PTPRD: variants seen among roughly 807,000 people sequenced by gnomAD.
PTPRD encodes protein tyrosine phosphatase receptor type D, also known as receptor-type tyrosine-protein phosphatase delta.
In PTPRD, 34 loss-of-function variants were observed where a neutral mutation model predicts 214.5. The observed-to-expected ratio is 0.16, with a 90% CI of 0.12 to 0.21. PTPRD has a LOEUF of 0.21. Ranked by LOEUF, PTPRD falls within the 10% of genes least tolerant of loss-of-function variation. The pLI is 1.00. For synonymous variants in PTPRD, 1,128 were observed against 845.7 expected, an observed-to-expected ratio of 1.33 and a Z score of -5.79; for missense variants, 2,545 against 2,398.7, an observed-to-expected ratio of 1.06 and a Z score of -1.27.
At chr9:10,556,334 G>GA (rs368428592) in intron 2 of PTPRD, among the ~76,000 whole-genome samples, 1,774 of 149,190 alleles carry the variant, frequency 0.012, 36 homozygotes, top group African/African-American at 0.04. Context: ...AAATATTTAG[G>GA]AAAAAAAAAC....
rs574291631 is a variant in PTPRD, at chr9:9,702,011, A to T, written c.-287+32522T>A. 6.6e-5 allele frequency among the ~76,000 whole-genome samples: 10 copies of T among 151,964 alleles called. No homozygotes were observed. The East Asian group carries it at 1.8e-3, about 27-fold the overall frequency. On this transcript the variant is annotated intron_variant, in intron 7 of 45. Transcript: ENST00000381196. ...GTGCATGCCTGTATTCCCCACTACT[A>T]GGGGTAGCTGAGGCAGGGGGATTGC... is the stretch of plus-strand genomic sequence containing the variant.
Position 9,679,513 on chromosome 9 carries a change from A to G in PTPRD, c.-287+55020T>C, listed in dbSNP as rs184632522. ...TGTGAATTAATCTTGCTGAAAAATCATAATTAAATGGATCAGTCCTCTGTG... is the reference window on the plus strand; with the variant it reads ...TGTGAATTAATCTTGCTGAAAAATCGTAATTAAATGGATCAGTCCTCTGTG... On this transcript the variant is annotated intron_variant, in intron 7 of 45. Coordinates refer to ENST00000381196, the MANE Select transcript of PTPRD (RefSeq NM_002839.4). Among the ~76,000 whole-genome samples the G allele has an allele frequency of 2.7e-3, 403 of 152,054 alleles. 2 individuals are homozygous for G. Among genetic ancestry groups the G allele is most frequent in the African/African-American group, 9.1e-3 (376 of 41,528 alleles).
chr9:9,811,934 G>C (rs2047264792), intron 5 of PTPRD, among the ~76,000 whole-genome samples: 1 of 152,114 alleles, frequency 6.6e-6, no homozygotes, highest in Non-Finnish European at 1.5e-5. Context: ...GACAGGAAGA[G>C]TCAATCAACG....
At chr9:10,210,733 A>T (rs905855928) in intron 3 of PTPRD, among the ~76,000 whole-genome samples, 36 of 140,534 alleles carry the variant, frequency 2.6e-4, no homozygotes, top group Non-Finnish European at 5.1e-4. Flanking sequence ...TATATATATA[A>T]AATGCTTATA....
chr9:9,696,556 T>TC (rs1286292931), intron 7 of PTPRD, among the ~76,000 whole-genome samples: 1 of 152,170 alleles, frequency 6.6e-6, no homozygotes, highest in South Asian at 2.1e-4. Flanking sequence ...TTATGTAGTG[T>TC]CCTCCTTTGC....
chr9:8,321,513 ATATATATATATAT>A (rs1827996419), intron 44 of PTPRD, among the ~76,000 whole-genome samples: 1 of 132,506 alleles, frequency 7.5e-6, no homozygotes, highest in Admixed American at 7.5e-5. Context: ...ATATATATAT[ATATATATATATAT>A]AAAAGGTATA....
chr9:8,987,341 A>G (rs991985523), intron 11 of PTPRD, among the ~76,000 whole-genome samples: 4 of 152,104 alleles, frequency 2.6e-5, no homozygotes, highest in African/African-American at 9.7e-5. Flanking sequence ...TCTTAACAGC[A>G]TCTTTTAACA....
At chr9:8,780,847 T>C (rs959746427) in intron 11 of PTPRD, among the ~76,000 whole-genome samples, 5 of 152,158 alleles carry the variant, frequency 3.3e-5, no homozygotes, top group African/African-American at 7.2e-5. Flanking sequence ...TCGGAAGTGG[T>C]TGTATGTGTA....
intron 7 of PTPRD, among the ~76,000 whole-genome samples, chr9:9,640,752 G>A (rs985707488): frequency 2.6e-5 from 4 of 152,198 alleles, no homozygotes; most frequent in Admixed American, 6.5e-5. Flanking sequence ...GGTGACCCCA[G>A]GAAGCAATAA....
intron 3 of PTPRD, among the ~76,000 whole-genome samples, chr9:10,098,148 G>C (rs1214176674): frequency 6.6e-6 from 1 of 151,756 alleles, no homozygotes; most frequent in African/African-American, 2.4e-5. Flanking sequence ...ATACACCATG[G>C]AATACTATGG....
At chr9:8,664,639 GT>G (rs2097134777) in intron 12 of PTPRD, among the ~76,000 whole-genome samples, 1 of 152,198 alleles carries the variant, frequency 6.6e-6, no homozygotes, top group Non-Finnish European at 1.5e-5. Flanking sequence ...TAGCTCTGGT[GT>G]TTATGGTATA....
chr9:10,063,335 C>T (rs2097812006), intron 3 of PTPRD, among the ~76,000 whole-genome samples: 2 of 151,954 alleles, frequency 1.3e-5, no homozygotes, highest in African/African-American at 4.8e-5. Flanking sequence ...AAATAAATGT[C>T]CCACTATACA....
intron 14 of PTPRD, among the ~76,000 whole-genome samples, chr9:8,621,049 A>G (rs1415581495): frequency 6.6e-6 from 1 of 152,040 alleles, no homozygotes; most frequent in Non-Finnish European, 1.5e-5. Flanking sequence ...AGAAAAATAT[A>G]TAATCAACCG....
At chr9:9,578,898 A>C (rs988223699) in intron 7 of PTPRD, among the ~76,000 whole-genome samples, 2 of 152,160 alleles carry the variant, frequency 1.3e-5, no homozygotes, top group African/African-American at 4.8e-5. Context: ...ACCATTTACC[A>C]AACATATAAT....
At chr9:9,130,931 C>A (rs577642410) in intron 10 of PTPRD, among the ~76,000 whole-genome samples, 10 of 152,184 alleles carry the variant, frequency 6.6e-5, no homozygotes, top group East Asian at 1.9e-4. Context: ...CTATGACGAA[C>A]CCTTTAGTAA....
intron 11 of PTPRD, among the ~76,000 whole-genome samples, chr9:8,942,173 G>A (rs77532187): frequency 0.01 from 1,598 of 152,258 alleles, 10 homozygotes; most frequent in Non-Finnish European, 0.018. Flanking sequence ...GAGTCTGGTC[G>A]ATACTTTACC....
chr9:9,392,782 A>G (rs2066332213), intron 9 of PTPRD, among the ~76,000 whole-genome samples: 1 of 152,184 alleles, frequency 6.6e-6, no homozygotes, highest in Non-Finnish European at 1.5e-5. Flanking sequence ...TGTCTCTTCA[A>G]CAATATTTTG....
At chr9:10,573,324 A>C (rs1366423422) in intron 2 of PTPRD, among the ~76,000 whole-genome samples, 1 of 152,204 alleles carries the variant, frequency 6.6e-6, no homozygotes, top group Non-Finnish European at 1.5e-5. Context: ...TTGCGCATGA[A>C]TACAAGTTCC....
At chr9:8,694,868 C>T (rs941395365) in intron 12 of PTPRD, among the ~76,000 whole-genome samples, 1 of 152,142 alleles carries the variant, frequency 6.6e-6, no homozygotes, top group Non-Finnish European at 1.5e-5. Context: ...TGGCTTGGAA[C>T]TGTAAGCACT....
Sources: allele counts gnomAD v4.1 joint callset (sites outside exome capture counted in the v4.1 genomes callset), GRCh38; gene constraint gnomAD v4.1.1; transcripts MANE v1.5; gene names NCBI Gene and HGNC (gene_info 2026-07-23, HGNC 2026-07-21).